The following LTBP1 variants were observed in gnomAD, a reference collection of about 807,000 sequenced individuals.
LTBP1 encodes latent-transforming growth factor beta-binding protein 1.
Under a neutral mutation model 207.6 loss-of-function variants are expected in LTBP1, and 129 were observed. That is an observed-to-expected ratio of 0.62 (90% CI 0.54 to 0.72). The LOEUF is 0.72. LTBP1 is among the 30% of genes least tolerant of loss of function. The pLI, the probability that LTBP1 is intolerant of heterozygous loss-of-function variation, is 0.00. For synonymous variants in LTBP1, 963 were observed against 833.7 expected, an observed-to-expected ratio of 1.16 and a Z score of -2.67; for missense variants, 2,281 against 2,217.2, an observed-to-expected ratio of 1.03 and a Z score of -0.58.
intron 3 of LTBP1, among the ~76,000 whole-genome samples, chr2:33,068,775 CT>C (rs1389948737): frequency 2.0e-5 from 3 of 152,096 alleles, no homozygotes; most frequent in Non-Finnish European, 2.9e-5. Context: ...AATAATTATA[CT>C]TTGTTATTAA....
rs558583951 is a variant in LTBP1 at position 33,097,792 on chromosome 2, C to G, written c.864-12790C>G. Among the ~76,000 whole-genome samples, 6 of 152,262 alleles carry G rather than the reference C, an allele frequency of 3.9e-5. No individual in the cohort carries two copies. The East Asian group carries it at 1.2e-3, about 29-fold the overall frequency. ...CATAGAAGTTCCTCCCTAGCATTGA[C>G]AGGATTCATTTTTAGTGGTTATATA... On this transcript the variant is annotated intron_variant, in intron 3 of 33. Coordinates refer to ENST00000404816, the MANE Select transcript of LTBP1 (RefSeq NM_206943.4).
At chr2:33,075,791 A>AT (rs757372705) in intron 3 of LTBP1, among the ~76,000 whole-genome samples, 8 of 152,240 alleles carry the variant, frequency 5.3e-5, no homozygotes, top group Non-Finnish European at 1.0e-4. Context: ...ACACGATGCT[A>AT]TTCTGATAAA....
At chr2:33,330,592 C>G (rs1255249034) in intron 24 of LTBP1, among the ~76,000 whole-genome samples, 1 of 150,770 alleles carries the variant, frequency 6.6e-6, no homozygotes, top group Non-Finnish European at 1.5e-5. Flanking sequence ...GATGGTTTTT[C>G]TGCATCTGTT....
chr2:33,075,839 A>G (rs984067862), intron 3 of LTBP1, among the ~76,000 whole-genome samples: 2 of 152,250 alleles, frequency 1.3e-5, no homozygotes, highest in Admixed American at 6.5e-5. Context: ...ATGCTTTAGC[A>G]GGCAAATTCT....
chr2:33,218,461 A>T (rs1426937500), intron 8 of LTBP1, among the ~76,000 whole-genome samples: 1 of 152,186 alleles, frequency 6.6e-6, no homozygotes, highest in Non-Finnish European at 1.5e-5. Context: ...CAGTGGGGCA[A>T]CCTCGGCTCA....
At chr2:33,046,465 G>A (rs943452567) in intron 3 of LTBP1, among the ~76,000 whole-genome samples, 1 of 152,130 alleles carries the variant, frequency 6.6e-6, no homozygotes, top group Non-Finnish European at 1.5e-5. Context: ...GGATGAAGCC[G>A]ACTTGATCGT....
At chr2:33,003,034 A>G (rs749516092) in intron 2 of LTBP1, among the ~76,000 whole-genome samples, 1 of 152,192 alleles carries the variant, frequency 6.6e-6, no homozygotes, top group Non-Finnish European at 1.5e-5. Context: ...TACAATACGT[A>G]GAATAATAAA....
At chr2:32,967,847 C>A (rs759145434) in intron 2 of LTBP1, among the ~76,000 whole-genome samples, 1 of 152,134 alleles carries the variant, frequency 6.6e-6, no homozygotes, top group African/African-American at 2.4e-5. Flanking sequence ...TTGATGGTTA[C>A]GTTGAATTCC....
At position 33,290,947 on chromosome 2, in the gene LTBP1, G is replaced by A. The variant is rs139163929; in HGVS notation, c.3113-2213G>A. Among the ~76,000 whole-genome samples, 855 of 152,320 alleles carry A rather than the reference G, an allele frequency of 5.6e-3. 3 individuals are homozygous for A. Among genetic ancestry groups the A allele is most frequent in the Non-Finnish European group, 0.01 (690 of 68,026 alleles). On this transcript the variant is annotated intron_variant, in intron 19 of 33. Coordinates refer to ENST00000404816, the MANE Select transcript of LTBP1 (RefSeq NM_206943.4). ...ATTTTACACCATTTGCATCCACCAA[G>A]TGTTTTTACGTGTGGTTCCTCTCTG... is the stretch of plus-strand genomic sequence containing the variant.
chr2:33,151,291 G>A (rs1487789692), intron 5 of LTBP1, among the ~76,000 whole-genome samples: 1 of 152,128 alleles, frequency 6.6e-6, no homozygotes, highest in Non-Finnish European at 1.5e-5. Context: ...TGGGTCAGGT[G>A]ATAATTCTCT....
At position 33,140,955 on chromosome 2, in the gene LTBP1, C is replaced by T. The variant is rs897822107; in HGVS notation, c.1201+5995C>T. Among the ~76,000 whole-genome samples, 30 of 152,290 alleles carry T rather than the reference C, an allele frequency of 2.0e-4. 1 individual carries two copies. The East Asian group carries it at 3.3e-3, about 17-fold the overall frequency. ...AAGGGATTACAGGCGTAAGCCACCA[C>T]GCCCGGTCTTTTCCTTTTTATTTTA... On this transcript the variant is annotated intron_variant, in intron 5 of 33. Coordinates refer to ENST00000404816, the MANE Select transcript of LTBP1 (RefSeq NM_206943.4).
intron 11 of LTBP1, among the ~76,000 whole-genome samples, chr2:33,256,578 T>A (rs1405788718): frequency 6.6e-6 from 1 of 151,558 alleles, no homozygotes; most frequent in Admixed American, 6.6e-5. Context: ...AAAAGCCTGA[T>A]TTTTGCTGAT....
In LTBP1 at chr2:33,238,452, G is replaced by A; in HGVS notation, c.1877-5210G>A. On this transcript the variant is annotated intron_variant, in intron 9 of 33. Coordinates refer to ENST00000404816, the MANE Select transcript of LTBP1 (RefSeq NM_206943.4). ...GTTCGTAATATATTATGCACCAAAT[G>A]TCATACTTTCTTTATTCCCTGGCAT... Among the ~76,000 whole-genome samples, 2 of 152,168 alleles carry A rather than the reference G, an allele frequency of 1.3e-5. 1 individual carries two copies. The highest frequency in any genetic ancestry group is 4.1e-4 in the South Asian group (2 of 4,826).
chr2:33,023,247 A>T (rs1400222035), intron 3 of LTBP1, among the ~76,000 whole-genome samples: 1 of 152,260 alleles, frequency 6.6e-6, no homozygotes, highest in Admixed American at 6.5e-5. Context: ...TAAACTGTAA[A>T]GTAATTTACA....
At chr2:33,062,960 T>C (rs1030847599) in intron 3 of LTBP1, 4 of 152,244 alleles carry the variant, frequency 2.6e-5, no homozygotes, top group African/African-American at 9.6e-5. Flanking sequence ...TGTTTAATTC[T>C]GGAATTTTAA....
intron 15 of LTBP1, among the ~76,000 whole-genome samples, chr2:33,271,250 T>G (rs1453796452): frequency 6.6e-6 from 1 of 152,144 alleles, no homozygotes; most frequent in Non-Finnish European, 1.5e-5. Context: ...ATTTATAGCC[T>G]CTTAATTTGT....
At chr2:32,951,141 A>C (rs1160122314) in intron 2 of LTBP1, among the ~76,000 whole-genome samples, 1 of 152,226 alleles carries the variant, frequency 6.6e-6, no homozygotes, top group Non-Finnish European at 1.5e-5. Context: ...TGCTTCCAGC[A>C]TTTGGCTTAA....
At position 33,369,924 on chromosome 2, in the gene LTBP1, A is replaced by G. The variant is rs78042962; in HGVS notation, c.4711+4421A>G. On this transcript the variant is annotated intron_variant, in intron 31 of 33. Transcript: ENST00000404816. ...AAAACCATCTCTTGTTGCAAAGCAC[A>G]TGTTTGCTGGAGTGGAGTGAACTAA... Among the ~76,000 whole-genome samples, 274 of 152,340 alleles carry G rather than the reference A, an allele frequency of 1.8e-3. 10 individuals carry two copies. The East Asian group carries it at 0.044, about 25-fold the overall frequency.
At chr2:33,264,343 A>T (rs1265194397) in intron 15 of LTBP1, among the ~76,000 whole-genome samples, 2 of 152,122 alleles carry the variant, frequency 1.3e-5, no homozygotes, top group Non-Finnish European at 2.9e-5. Flanking sequence ...AAGAAAATGC[A>T]TCAGTGTTCT....
Sources: gnomAD v4.1 joint callset for allele counts (sites outside exome capture counted in the v4.1 genomes callset) on GRCh38, gnomAD v4.1.1 for gene constraint, MANE v1.5 for transcripts, NCBI Gene and HGNC (gene_info 2026-07-23, HGNC 2026-07-21) for gene names.